The following FCRL4 variants were observed in gnomAD, a reference collection of about 807,000 sequenced individuals.
FCRL4 encodes Fc receptor like 4.
A neutral mutation model predicts 64.1 loss-of-function variants in FCRL4; 43 were observed. That is an observed-to-expected ratio of 0.67 (90% CI 0.53 to 0.87). The LOEUF is 0.87. Among genes scored for constraint, FCRL4 ranks in the 40% least tolerant of loss-of-function variants. The probability of loss-of-function intolerance (pLI) is 0.00; values close to 1 mark genes in which losing one functional copy is unlikely to be tolerated. For missense variants in FCRL4, 656 were observed against 613.5 expected, an observed-to-expected ratio of 1.07 and a Z score of -0.73; for synonymous variants, 253 against 239.8, an observed-to-expected ratio of 1.05 and a Z score of -0.51.
intron 7 of FCRL4, among the ~76,000 whole-genome samples, chr1:157,580,792 C>A (rs567348015): frequency 6.6e-6 from 1 of 152,298 alleles, no homozygotes; most frequent in East Asian, 1.9e-4. Flanking sequence ...AAGGTGCTGT[C>A]AGGAATCTGG....
chr1:157,585,391 T>C (rs552768438), intron 6 of FCRL4, among the ~76,000 whole-genome samples: 65 of 95,444 alleles, frequency 6.8e-4, no homozygotes, highest in African/African-American at 2.0e-3. Context: ...TCTTTCTTTC[T>C]TTCCTTCTTT....
chr1:157,594,108 T>C (rs1652903291), intron 2 of FCRL4, among the ~76,000 whole-genome samples: 1 of 152,208 alleles, frequency 6.6e-6, no homozygotes, highest in Non-Finnish European at 1.5e-5. Flanking sequence ...TTAACGATTA[T>C]GAAGGAGAAA....
Position 157,587,548 on chromosome 1 carries a change from T to G in FCRL4, c.575A>C (p.His192Pro), listed in dbSNP as rs377332844. 7.4e-6 allele frequency: 12 copies of G among 1,613,732 alleles called. No homozygotes were observed. The African/African-American group carries it at 1.5e-4, about 20-fold the overall frequency. The change falls in exon 5 of 12, where the codon CAT (histidine) becomes CCT (proline). Residue 192 changes from histidine (H) to proline (P), a missense_variant. Coordinates refer to ENST00000271532, the MANE Select transcript of FCRL4 (RefSeq NM_031282.3). ...KIIKIQELFP[H>P]PELKATDSQP... ...AGAGTCTGTAGCTTTCAGCTCTGGA[T>G]GTGGAAATAGTTCTAGAGAGAAGAG... is the stretch of plus-strand genomic sequence containing the variant.
chr1:157,578,520 C>A lies in FCRL4; in HGVS notation c.1383G>T (p.Leu461Phe), dbSNP rs1378346049. 2 of 1,613,860 alleles carry A rather than the reference C, an allele frequency of 1.2e-6. No homozygotes were observed. The highest frequency in any genetic ancestry group is 2.7e-5 in the African/African-American group (2 of 74,910). Residue 461 changes from leucine to phenylalanine, a missense_variant, in exon 10 of 12, where the codon TTG (leucine) becomes TTT (phenylalanine). Transcript: ENST00000271532. ...YVDVHPKKGD[L>F]VYSEIQTTQL... ...GAGTAGTCTGGATCTCAGAGTATAC[C>A]AAATCTCCCTTTTTGGGGTGTACTG...
intron 6 of FCRL4, among the ~76,000 whole-genome samples, chr1:157,583,866 A>G (rs940969669): frequency 5.9e-5 from 9 of 152,176 alleles, no homozygotes; most frequent in African/African-American, 1.9e-4. Context: ...ATTAAAAAAT[A>G]TTTAGGAGGG....
Position 157,575,748 on chromosome 1 carries a change from A to G in FCRL4, c.1430-18T>C, listed in dbSNP as rs1652389862. On this transcript the variant is annotated intron_variant, in intron 10 of 11. Transcript: ENST00000271532. Reference sequence around the variant, plus strand: ...GGTATTAGCTGTGGACAGAAAGAGAATCACTGGACTATGGGCATAATGATG... The same window carrying G: ...GGTATTAGCTGTGGACAGAAAGAGAGTCACTGGACTATGGGCATAATGATG... 1 of 1,613,166 alleles carries G rather than the reference A, an allele frequency of 6.2e-7. No individual in the cohort carries two copies. The highest frequency in any genetic ancestry group is 8.5e-7 in the Non-Finnish European group (1 of 1,179,328).
intron 8 of FCRL4, 55 bp from the exon 9 acceptor site, chr1:157,578,907 G>T: frequency 7.1e-7 from 1 of 1,415,096 alleles, no homozygotes; most frequent in Non-Finnish European, 9.8e-7. Flanking sequence ...ATGCGGGAGA[G>T]TGAGATACCC....
chr1:157,586,232 G>A lies in FCRL4; in HGVS notation c.1071C>T (p.Tyr357=). ...CGTAGCTGTTGTCTGCTGTACAGTA[G>A]TATCCCCCTGCATGGCTCTGTCTGA... The part of the protein sequence containing the change: ...PAIRQSHAGG[Y]YCTADNSYGP... The change falls in exon 6 of 12, where the codon TAC becomes TAT. Residue 357 remains tyrosine, a synonymous_variant. Transcript: ENST00000271532. The A allele has an allele frequency of 6.2e-7, 1 of 1,614,132 alleles. No homozygotes were observed. The highest frequency in any genetic ancestry group is 2.2e-5 in the East Asian group (1 of 44,872).
intron 2 of FCRL4, among the ~76,000 whole-genome samples, chr1:157,595,841 A>T (rs773706868): frequency 2.0e-5 from 3 of 152,206 alleles, no homozygotes; most frequent in Admixed American, 2.0e-4. Context: ...GACCAGTAGG[A>T]TAGATGGAGA....
intron 6 of FCRL4, among the ~76,000 whole-genome samples, chr1:157,584,173 C>A (rs1652622406): frequency 6.6e-6 from 1 of 152,140 alleles, no homozygotes; most frequent in South Asian, 2.1e-4. Context: ...TAAGAGCCTT[C>A]CTGCAGAAGA....
chr1:157,578,835 C>A lies in FCRL4; in HGVS notation c.1295G>T (p.Gly432Val). ...GDETRLPPAP[G>V]PGESSHSICP... ...GATGGAATGGGAGGACTCTCCTGGG[C>A]CTGGAGCGGGAGGGAGCCTGTGAGA... Residue 432 changes from glycine (G) to valine (V), a missense_variant, in exon 9 of 12, where the codon GGC becomes GTC. By Grantham distance (109) the Gly-to-Val change is moderately radical. Coordinates refer to ENST00000271532, the MANE Select transcript of FCRL4 (RefSeq NM_031282.3). The A allele has an allele frequency of 6.2e-7, 1 of 1,613,372 alleles. No homozygotes were observed. The highest frequency in any genetic ancestry group is 8.5e-7 in the Non-Finnish European group (1 of 1,179,710).
chr1:157,575,771 A>T (rs751374514), intron 10 of FCRL4, 41 bp from the exon 11 acceptor site: 15 of 1,600,562 alleles, frequency 9.4e-6, no homozygotes, highest in Middle Eastern at 1.9e-4. Flanking sequence ...GGGCATAATG[A>T]TGCACTTAGA....
At chr1:157,585,261 T>TCTTTCCTTC (rs773513803) in intron 6 of FCRL4, among the ~76,000 whole-genome samples, 5 of 148,132 alleles carry the variant, frequency 3.4e-5, no homozygotes, top group East Asian at 1.9e-4. Flanking sequence ...TTCTTTCCTT[T>TCTTTCCTTC]CTTTCCTTCC....
rs771244813 is a variant in FCRL4, at chr1:157,588,116, G to A, written c.311C>T (p.Ser104Phe). 2 of 1,605,860 alleles carry A rather than the reference G, an allele frequency of 1.2e-6. No individual in the cohort carries two copies. Among genetic ancestry groups the A allele is most frequent in the African/African-American group, 2.7e-5 (2 of 74,474 alleles). The stretch of plus-strand genomic sequence containing the variant: ...AGAATATGGTGCCTGCAGGATTAAG[G>A]AGTCTGGAAAAGACACAGAGAGGAG... ...NPVRLLFSSDSLILQAPYSVF... is the reference protein window; with the variant it reads ...NPVRLLFSSDFLILQAPYSVF... Residue 104 changes from serine to phenylalanine, a missense_variant, in exon 4 of 12, where the codon TCC (serine) becomes TTC (phenylalanine). By Grantham distance (155) the Ser-to-Phe change is radical (BLOSUM62 -2). Transcript: ENST00000271532.
intron 1 of FCRL4, 101 bp from the exon 2 acceptor site, chr1:157,596,449 A>G: frequency 7.6e-7 from 1 of 1,308,294 alleles, no homozygotes; most frequent in East Asian, 2.3e-5. Flanking sequence ...ACCAAGAGGA[A>G]GAGAAACACG....
At position 157,586,260 on chromosome 1, in the gene FCRL4, G is replaced by T. The variant is rs765543896; in HGVS notation, c.1043C>A (p.Ala348Asp). The change falls in exon 6 of 12, where the codon GCC (alanine) becomes GAC (aspartate). Residue 348 changes from alanine to aspartate, a missense_variant. Ala to Asp is a moderately radical substitution (Grantham distance 126, BLOSUM62 -2). Transcript: ENST00000271532. The part of the protein sequence containing the change: ...RSLRAELELP[A>D]IRQSHAGGYY... ...TCCCCCTGCATGGCTCTGTCTGATGGCAGGGAGCTCCAGCTCTGCTCTCAG... is the reference window on the plus strand; with the variant it reads ...TCCCCCTGCATGGCTCTGTCTGATGTCAGGGAGCTCCAGCTCTGCTCTCAG... 4.5e-5 allele frequency: 72 copies of T among 1,613,974 alleles called. No individual in the cohort carries two copies. Among genetic ancestry groups the T allele is most frequent in the Non-Finnish European group, 5.3e-5 (63 of 1,180,016 alleles).
rs1434796946 is a variant in FCRL4, at chr1:157,597,857, T to C, written c.31+57A>G. On this transcript the variant is annotated intron_variant, in intron 1 of 11. Transcript: ENST00000271532. The stretch of plus-strand genomic sequence containing the variant: ...ATTGCAGCAGCAGAAAAGAGGGCTT[T>C]TGCTCATGGTGAGGCTCAGCTTTGC... 4 of 1,488,214 alleles carry C rather than the reference T, an allele frequency of 2.7e-6. No individual in the cohort carries two copies. In the Admixed American group the frequency reaches 7.0e-5, roughly 26 times the overall value. The allele number at this position is 1,488,214 out of a possible 1,614,324, so 92.2% of individuals were successfully genotyped here. A position where few individuals can be genotyped will look rare whatever the true frequency, so the allele number is the denominator to read the frequency against.
At chr1:157,584,178 A>C (rs999923169) in intron 6 of FCRL4, among the ~76,000 whole-genome samples, 1 of 152,190 alleles carries the variant, frequency 6.6e-6, no homozygotes, top group Non-Finnish European at 1.5e-5. Context: ...GCCTTCCTGC[A>C]GAAGAAACAC....
chr1:157,575,769 T>A (rs758351246), intron 10 of FCRL4, 39 bp from the exon 11 acceptor site: 1 of 1,604,712 alleles, frequency 6.2e-7, no homozygotes, highest in East Asian at 2.2e-5. Context: ...ATGGGCATAA[T>A]GATGCACTTA....
Sources: allele counts gnomAD v4.1 joint callset (sites outside exome capture counted in the v4.1 genomes callset), GRCh38; gene constraint gnomAD v4.1.1; transcripts MANE v1.5; gene names NCBI Gene and HGNC (gene_info 2026-07-23, HGNC 2026-07-21).